Variants in IGHMBP2 observed in about 807,000 individuals in gnomAD.
The protein encoded by IGHMBP2 is immunoglobulin mu DNA binding protein 2.
IGHMBP2 carries 81 observed loss-of-function variants against 96.0 expected under a neutral mutation model. That is an observed-to-expected ratio of 0.84 (90% CI 0.71 to 1.01). The LOEUF (loss-of-function observed/expected upper bound fraction) is 1.01, where lower values mean the gene tolerates loss of function less well. Ranked by LOEUF, IGHMBP2 falls within the 50% of genes least tolerant of loss-of-function variation. The probability of loss-of-function intolerance (pLI) is 0.00; values close to 1 mark genes in which losing one functional copy is unlikely to be tolerated. For missense variants in IGHMBP2, 1,227 were observed against 1,306.3 expected (o/e 0.94, Z 0.94); for synonymous variants, 557 against 548.9 (o/e 1.01, Z -0.21).
At position 68,935,575 on chromosome 11, in the gene IGHMBP2, C is replaced by T. The variant is rs541373832; in HGVS notation, c.1756+153C>T. ...CTTAGTAAGTTCACGTCAGGCAAAG[C>T]ACAGGCAAGAGAGTCTGCAGAGGCT... On this transcript the variant is annotated intron_variant, in intron 12 of 14. Coordinates refer to ENST00000255078, the MANE Select transcript of IGHMBP2 (RefSeq NM_002180.3). Among the ~76,000 whole-genome samples the T allele has an allele frequency of 2.0e-5, 3 of 152,298 alleles. No homozygotes were observed. In the East Asian group the frequency reaches 5.8e-4, roughly 29 times the overall value.
At chr11:68,929,081 A>G (rs1011388948) in intron 7 of IGHMBP2, 102 bp from the exon 8 acceptor site, 4 of 1,092,038 alleles carry the variant, frequency 3.7e-6, no homozygotes, top group Non-Finnish European at 5.6e-6. Flanking sequence ...TTGCAATGCA[A>G]GCCTTGATGA....
At chr11:68,923,029 A>G (rs539484421) in intron 7 of IGHMBP2, among the ~76,000 whole-genome samples, 1 of 152,206 alleles carries the variant, frequency 6.6e-6, no homozygotes, top group East Asian at 1.9e-4. Flanking sequence ...TTATTTCTCT[A>G]TCACCTGTGT....
intron 4 of IGHMBP2, among the ~76,000 whole-genome samples, chr11:68,911,029 A>G (rs1354152989): frequency 6.6e-6 from 1 of 152,180 alleles, no homozygotes; most frequent in Non-Finnish European, 1.5e-5. Flanking sequence ...TTATGTTAGA[A>G]AGGAATATGC....
chr11:68,925,695 T>G (rs1859039135), intron 7 of IGHMBP2, among the ~76,000 whole-genome samples: 1 of 152,350 alleles, frequency 6.6e-6, no homozygotes, highest in South Asian at 2.1e-4. Flanking sequence ...TCTTAGTTTC[T>G]CCTTCATTTT....
chr11:68,935,164 C>T lies in IGHMBP2; in HGVS notation c.1633-135C>T, dbSNP rs737386. The T allele has an allele frequency of 0.27, 310,136 of 1,162,234 alleles. 44,953 individuals are homozygous for T. Among genetic ancestry groups the T allele is most frequent in the Admixed American group, 0.43 (21,891 of 50,328 alleles). 72.0% of individuals were successfully genotyped at this position (1,162,234 alleles called of 1,614,324 possible). On this transcript the variant is annotated intron_variant, in intron 11 of 14. Coordinates refer to ENST00000255078, the MANE Select transcript of IGHMBP2 (RefSeq NM_002180.3). ...GGAGGGCGAACGGGAAGCCTTTCCC[C>T]ATGGGGCTCCTGCAGGCTCCGCTTC...
At chr11:68,933,123 T>C (rs1446412731) in intron 8 of IGHMBP2, 176 bp from the exon 9 acceptor site, 7 of 644,354 alleles carry the variant, frequency 1.1e-5, no homozygotes. Flanking sequence ...GGCGATTGGA[T>C]GTAGGTGCCT....
chr11:68,934,088 G>A (rs1013520337), intron 10 of IGHMBP2, 175 bp downstream of exon 10: 9 of 663,172 alleles, frequency 1.4e-5, no homozygotes, highest in South Asian at 6.7e-5. Context: ...TCTCCAGGGT[G>A]AGCAGACCGC....
At chr11:68,937,277 C>G (rs1325864122) in intron 13 of IGHMBP2, among the ~76,000 whole-genome samples, 186 bp downstream of exon 13, 2 of 152,212 alleles carry the variant, frequency 1.3e-5, no homozygotes, top group African/African-American at 2.4e-5. Flanking sequence ...GGTCGGTGAT[C>G]AGGTCACGGG....
chr11:68,911,778 G>A (rs1220570922), intron 5 of IGHMBP2, among the ~76,000 whole-genome samples, 175 bp downstream of exon 5: 1 of 152,384 alleles, frequency 6.6e-6, no homozygotes, highest in South Asian at 2.1e-4. Context: ...ATCCCCGTGA[G>A]TCTTGGGGAG....
chr11:68,904,361 T>C (rs941949086), intron 1 of IGHMBP2, among the ~76,000 whole-genome samples: 2 of 152,090 alleles, frequency 1.3e-5, no homozygotes, highest in African/African-American at 2.4e-5. Context: ...CCCTTATTCA[T>C]TCAGTAAACA....
At chr11:68,924,081 AC>A (rs1858975497) in intron 7 of IGHMBP2, among the ~76,000 whole-genome samples, 1 of 151,956 alleles carries the variant, frequency 6.6e-6, no homozygotes, top group Admixed American at 6.6e-5. Flanking sequence ...TTTCTTTGTT[AC>A]CTGTTGTCTA....
intron 8 of IGHMBP2, chr11:68,930,526 T>G: frequency 8.0e-7 from 1 of 1,247,018 alleles, no homozygotes; most frequent in Non-Finnish European, 1.0e-6. Context: ...AGAGGAGTGC[T>G]GAGGAAAGGT....
chr11:68,929,649 C>A, intron 8 of IGHMBP2: 1 of 750,628 alleles, frequency 1.3e-6, no homozygotes, highest in Non-Finnish European at 1.6e-6. Context: ...AATATCCCCT[C>A]ATGAACCAGG....
At chr11:68,934,757 C>T (rs1594453476) in intron 11 of IGHMBP2, among the ~76,000 whole-genome samples, 199 bp downstream of exon 11, 2 of 152,352 alleles carry the variant, frequency 1.3e-5, no homozygotes, top group South Asian at 4.1e-4. Context: ...CCACCTTGCC[C>T]CGCCCTGCCC....
chr11:68,929,964 C>T (rs1350959160), intron 8 of IGHMBP2: 1 of 316,750 alleles, frequency 3.2e-6, no homozygotes. Flanking sequence ...GAAAGTGCTG[C>T]CCGCCCCCCC....
intron 7 of IGHMBP2, among the ~76,000 whole-genome samples, chr11:68,927,951 G>A (rs1205106399): frequency 1.3e-5 from 2 of 152,204 alleles, no homozygotes; most frequent in African/African-American, 4.8e-5. Flanking sequence ...CAGTGCCACC[G>A]AGCTCCCGTG....
chr11:68,934,085 G>A, intron 10 of IGHMBP2, 172 bp downstream of exon 10: 1 of 670,682 alleles, frequency 1.5e-6, no homozygotes, highest in Non-Finnish European at 2.7e-6. Context: ...TTTTCTCCAG[G>A]GTGAGCAGAC....
intron 12 of IGHMBP2, among the ~76,000 whole-genome samples, 172 bp downstream of exon 12, chr11:68,935,594 A>G (rs904223983): frequency 3.3e-5 from 5 of 152,212 alleles, no homozygotes; most frequent in Admixed American, 6.5e-5. Context: ...GAGAGTCTGC[A>G]GAGGCTCAGA....
rs752373799 is a variant in IGHMBP2, at chr11:68,914,957, G to A, written c.846G>A (p.Ala282=). The change falls in exon 6 of 15, where the codon GCG becomes GCA. Residue 282 remains alanine (A), a synonymous_variant. Transcript: ENST00000255078. ...CCATTCAGCAGCACTCCCTGGATGC[G>A]GTTTTAGCGCGGAGCGACAGTGCCC... The part of the protein sequence containing the change: ...LESIQQHSLD[A]VLARSDSAQI... 3.1e-5 allele frequency: 50 copies of A among 1,614,030 alleles called. No individual in the cohort carries two copies. The highest frequency in any genetic ancestry group is 3.7e-5 in the Non-Finnish European group (44 of 1,180,052).
Sources: gnomAD v4.1 joint callset for allele counts (sites outside exome capture counted in the v4.1 genomes callset) on GRCh38, gnomAD v4.1.1 for gene constraint, MANE v1.5 for transcripts, NCBI Gene and HGNC (gene_info 2026-07-23, HGNC 2026-07-21) for gene names.